Variants in ADAMTS7 observed in about 807,000 individuals in gnomAD.
ADAMTS7 encodes the protein A disintegrin and metalloproteinase with thrombospondin motifs 7.
ADAMTS7 carries 89 observed loss-of-function variants against 172.6 expected under a neutral mutation model. The ratio of observed to expected loss-of-function variants is 0.52; its 90% CI spans 0.43 to 0.61. The LOEUF is 0.61. ADAMTS7 is among the 20% of genes least tolerant of loss of function. ADAMTS7 has a pLI of 0.00. For missense variants in ADAMTS7, 1,973 were observed against 2,355.6 expected (o/e 0.84, Z 3.36); for synonymous variants, 885 against 978.4 (o/e 0.90, Z 1.78).
chr15:78,778,205 G>A (rs1017360279), intron 8 of ADAMTS7, among the ~76,000 whole-genome samples: 30 of 152,220 alleles, frequency 2.0e-4, no homozygotes, highest in Admixed American at 1.8e-3. Flanking sequence ...CAGCGGTAGC[G>A]GGGAAACTGG....
rs2055131778 is a variant in ADAMTS7 at position 78,765,771 on chromosome 15, G to A, written c.4140C>T (p.Asp1380=). Residue 1380 remains aspartate (D), a synonymous_variant, in exon 19 of 24, where the codon GAC becomes GAT. Coordinates refer to ENST00000388820, the MANE Select transcript of ADAMTS7 (RefSeq NM_014272.5). The part of the protein sequence containing the change: ...SSRLLSTPAW[D]SPANSHRVPE... ...GGACTCTGTGGCTGTTGGCGGGGCT[G>A]TCCCAAGCTGGTGTGGACAGCAGCC... 1 of 1,609,214 alleles carries A rather than the reference G, an allele frequency of 6.2e-7. No homozygotes were observed. Among genetic ancestry groups the A allele is most frequent in the African/African-American group, 1.3e-5 (1 of 74,856 alleles).
At position 78,766,336 on chromosome 15, in the gene ADAMTS7, C is replaced by T. The variant is rs560063749; in HGVS notation, c.3575G>A (p.Ser1192Asn). ...CTTGCCAACTGGGAAATCATTTTGG[C>T]TCTCAGGGGTGGCAGGTGTCTGCAG... Reference protein sequence around the residue: ...DGLQTPATPESQNDFPVGKDS... With the variant: ...DGLQTPATPENQNDFPVGKDS... Residue 1192 changes from serine (S) to asparagine (N), a missense_variant, in exon 19 of 24, where the codon AGC (serine) becomes AAC (asparagine). Ser to Asn is a conservative substitution (Grantham distance 46). Coordinates refer to ENST00000388820, the MANE Select transcript of ADAMTS7 (RefSeq NM_014272.5). 1 of 1,611,062 alleles carries T rather than the reference C, an allele frequency of 6.2e-7. No homozygotes were observed. The highest frequency in any genetic ancestry group is 1.3e-5 in the African/African-American group (1 of 74,984).
intron 10 of ADAMTS7, 175 bp downstream of exon 10, chr15:78,776,565 ATCATGGAAT>A: frequency 1.2e-6 from 1 of 813,100 alleles, no homozygotes; most frequent in Non-Finnish European, 1.9e-6. Flanking sequence ...ACCCTGGGGA[ATCATGGAAT>A]CAAGCCCTGG....
In ADAMTS7 at chr15:78,766,984, G is replaced by A. The variant is rs533562948; in HGVS notation, c.2927C>T (p.Pro976Leu). The A allele has an allele frequency of 4.4e-6, 7 of 1,607,044 alleles. No homozygotes were observed. Among genetic ancestry groups the A allele is most frequent in the East Asian group, 2.2e-5 (1 of 44,850 alleles). ...GGCTGGCTGCTGGGCCTCGTCACAG[G>A]GGACACCGGTGTCATTGGTGCAGAG... ...NVLCTNDTGV[P>L]CDEAQQPASE... The change falls in exon 19 of 24, where the codon CCC becomes CTC. Residue 976 changes from proline to leucine, a missense_variant. By Grantham distance (98) the Pro-to-Leu change is moderately conservative. Coordinates refer to ENST00000388820, the MANE Select transcript of ADAMTS7 (RefSeq NM_014272.5).
intron 16 of ADAMTS7, among the ~76,000 whole-genome samples, chr15:78,769,765 C>T (rs930944412): frequency 3.9e-5 from 6 of 152,238 alleles, no homozygotes; most frequent in African/African-American, 1.4e-4. Flanking sequence ...GCAGATGCTC[C>T]CAAGTGGTCC....
Position 78,767,512 on chromosome 15 carries a change from C to T in ADAMTS7, c.2726G>A (p.Arg909His), listed in dbSNP as rs547944533. The change falls in exon 18 of 24, where the codon CGC (arginine) becomes CAC (histidine). Residue 909 changes from arginine (R) to histidine (H), a missense_variant. Coordinates refer to ENST00000388820, the MANE Select transcript of ADAMTS7 (RefSeq NM_014272.5). ...GLSRRAVLCI[R>H]SVGLDEQSAL... ...GCTCTGCTCATCCAGCCCCACGCTG[C>T]GGATGCAGAGCACGGCCCGGCGGGA... is the stretch of plus-strand genomic sequence containing the variant. The T allele has an allele frequency of 1.7e-5, 27 of 1,607,720 alleles. No homozygotes were observed. Among genetic ancestry groups the T allele is most frequent in the African/African-American group, 2.7e-5 (2 of 74,928 alleles).
rs141015964 is a variant in ADAMTS7 at position 78,766,886 on chromosome 15, C to T, written c.3025G>A (p.Gly1009Ser). The change falls in exon 19 of 24, where the codon GGC (glycine) becomes AGC (serine). Residue 1009 changes from glycine to serine, a missense_variant. Gly to Ser is a moderately conservative substitution (Grantham distance 56). Coordinates refer to ENST00000388820, the MANE Select transcript of ADAMTS7 (RefSeq NM_014272.5). The part of the protein sequence containing the change: ...GTLGPEGSGS[G>S]SSSHELFNEA... ...TTGAAGAGCTCGTGGCTGGAGGAGC[C>T]GCTGCCTGAGCCTTCAGGGCCCAGT... is the stretch of plus-strand genomic sequence containing the variant. The T allele has an allele frequency of 1.0e-4, 162 of 1,609,176 alleles. No individual in the cohort carries two copies. Among genetic ancestry groups the T allele is most frequent in the Admixed American group, 3.3e-5 (2 of 59,870 alleles).
In ADAMTS7 at chr15:78,774,150, T is replaced by A; in HGVS notation, c.2010+17A>T. ...GGGCAGGCAGTGCTGGGAGAGCCTC[T>A]TCCTAACCAGGCACACCTTACAGAT... On this transcript the variant is annotated intron_variant, in intron 13 of 23. Transcript: ENST00000388820. 6.3e-7 allele frequency: 1 copy of A among 1,590,144 alleles called. No individual in the cohort carries two copies. Among genetic ancestry groups the A allele is most frequent in the East Asian group, 2.2e-5 (1 of 44,584 alleles).
chr15:78,765,930 C>T lies in ADAMTS7; in HGVS notation c.3981G>A (p.Leu1327=), dbSNP rs202047509. The part of the protein sequence containing the change: ...FPTPGPGSWD[L]QTVAVWGTFL... ...AGGTCCCCCACACTGCCACAGTCTGCAGGTCCCATGAGCCTGGTCCTGGGG... is the reference window on the plus strand; with the variant it reads ...AGGTCCCCCACACTGCCACAGTCTGTAGGTCCCATGAGCCTGGTCCTGGGG... The change falls in exon 19 of 24, where the codon CTG becomes CTA. Residue 1327 remains leucine (L), a synonymous_variant. Coordinates refer to ENST00000388820, the MANE Select transcript of ADAMTS7 (RefSeq NM_014272.5). 8.2e-6 allele frequency: 13 copies of T among 1,576,246 alleles called. No homozygotes were observed. The highest frequency in any genetic ancestry group is 1.1e-5 in the Non-Finnish European group (13 of 1,168,460).
In ADAMTS7 at chr15:78,774,304, A is replaced by T; in HGVS notation, c.1877-4T>A. 1.9e-6 allele frequency: 3 copies of T among 1,567,354 alleles called. No homozygotes were observed. Among genetic ancestry groups the T allele is most frequent in the Non-Finnish European group, 1.7e-6 (2 of 1,165,638 alleles). On this transcript the variant is annotated splice_region_variant and splice_polypyrimidine_tract_variant and intron_variant, in intron 12 of 23. Coordinates refer to ENST00000388820, the MANE Select transcript of ADAMTS7 (RefSeq NM_014272.5). ...CAGTGCAGCTCGCAGGGGTTCACTG[A>T]GGGCCCAAGTAGAAGAGTCATCAGC...
chr15:78,779,067 C>A (rs902796732), intron 8 of ADAMTS7, among the ~76,000 whole-genome samples: 2 of 152,138 alleles, frequency 1.3e-5, no homozygotes, highest in Non-Finnish European at 2.9e-5. Flanking sequence ...ATCCCCCGAC[C>A]AGTGACAGGC....
intron 23 of ADAMTS7, among the ~76,000 whole-genome samples, chr15:78,760,861 C>A (rs191139972): frequency 0.011 from 1,625 of 152,180 alleles, 26 homozygotes; most frequent in African/African-American, 0.037. Flanking sequence ...AGCCCACTCA[C>A]ACCCGCCCCT....
chr15:78,765,674 C>G lies in ADAMTS7; in HGVS notation c.4237G>C (p.Ala1413Pro). The change falls in exon 19 of 24, where the codon GCC (alanine) becomes CCC (proline). Residue 1413 changes from alanine to proline, a missense_variant. Coordinates refer to ENST00000388820, the MANE Select transcript of ADAMTS7 (RefSeq NM_014272.5). The part of the protein sequence containing the change: ...PPADPLVVRN[A>P]GWQAGNWSEC... ...CTCCAGTTTCCCGCTTGCCAGCCGG[C>G]GTTCCTGACAACCAACGGGTCCGCG... is the stretch of plus-strand genomic sequence containing the variant. The G allele has an allele frequency of 1.2e-6, 2 of 1,610,376 alleles. No homozygotes were observed. Among genetic ancestry groups the G allele is most frequent in the African/African-American group, 2.7e-5 (2 of 74,956 alleles).
chr15:78,761,523 CT>C (rs2055042781), intron 23 of ADAMTS7, among the ~76,000 whole-genome samples: 1 of 152,338 alleles, frequency 6.6e-6, no homozygotes, highest in South Asian at 2.1e-4. Flanking sequence ...CCACGCAGTG[CT>C]GCGTGCTTCA....
chr15:78,789,589 T>C, intron 7 of ADAMTS7, 100 bp downstream of exon 7: 1 of 1,483,040 alleles, frequency 6.7e-7, no homozygotes, highest in Non-Finnish European at 9.2e-7. Flanking sequence ...AGAGCTTCCT[T>C]TCCCCTGGAC....
rs757354784 is a variant in ADAMTS7 at position 78,771,783 on chromosome 15, G to A, written c.2178C>T (p.Arg726=). 8.7e-6 allele frequency: 14 copies of A among 1,612,578 alleles called. No individual in the cohort carries two copies. The East Asian group carries it at 2.7e-4, about 31-fold the overall frequency. The stretch of plus-strand genomic sequence containing the variant: ...TGGCAGCCTCGGCAACCTCTTGGAT[G>A]CGGATCTCGCGTGCGCCCGCTGGGA... ...GLIPAGAREI[R]IQEVAEAANF... is the part of the protein sequence containing the mutation. Residue 726 remains arginine (R), a synonymous_variant, in exon 15 of 24, where the codon CGC becomes CGT. Transcript: ENST00000388820. The surrounding 1 kb of genome is among the most constrained non-coding windows in gnomAD (Gnocchi z 4.9).
intron 3 of ADAMTS7, among the ~76,000 whole-genome samples, chr15:78,797,016 T>C (rs1456777740): frequency 1.3e-5 from 2 of 152,220 alleles, no homozygotes; most frequent in Admixed American, 6.5e-5. Flanking sequence ...TAGGAATAAA[T>C]TGCCTCACAG....
chr15:78,791,348 A>C, intron 4 of ADAMTS7, 125 bp from the exon 5 acceptor site: 2 of 689,886 alleles, frequency 2.9e-6, no homozygotes, highest in Non-Finnish European at 2.4e-6. Flanking sequence ...GGACTCTCAC[A>C]CTGGTGCACA....
At chr15:78,777,206 G>C in intron 9 of ADAMTS7, 1 of 609,886 alleles carries the variant, frequency 1.6e-6, no homozygotes, top group East Asian at 2.8e-5. Flanking sequence ...AGAGGCGAAG[G>C]GACTTGTCCG....
Sources: allele counts gnomAD v4.1 joint callset (sites outside exome capture counted in the v4.1 genomes callset), GRCh38; gene constraint gnomAD v4.1.1; non-coding constraint Gnocchi (gnomAD v3.1); transcripts MANE v1.5; gene names NCBI Gene and HGNC (gene_info 2026-07-23, HGNC 2026-07-21).